The following LBP variants were observed in gnomAD, a reference collection of about 807,000 sequenced individuals.
LBP encodes the protein lipopolysaccharide-binding protein.
LBP carries 53 observed loss-of-function variants against 56.6 expected under a neutral mutation model. That is an observed-to-expected ratio of 0.94 (90% CI 0.75 to 1.18). The LOEUF (loss-of-function observed/expected upper bound fraction) is 1.18, where lower values mean the gene tolerates loss of function less well. Ranked by LOEUF, LBP falls within the 50% of genes most tolerant of loss-of-function variation. The pLI is 0.00. For synonymous variants in LBP, 227 were observed against 247.5 expected (o/e 0.92, Z 0.78); for missense variants, 601 against 598.3 (o/e 1.00, Z -0.05).
intron 8 of LBP, 68 bp downstream of exon 8, chr20:38,364,820 T>C: frequency 7.0e-7 from 1 of 1,419,762 alleles, no homozygotes; most frequent in Non-Finnish European, 9.7e-7. Flanking sequence ...TCTTTCCTTT[T>C]CACCCCTGTT....
intron 3 of LBP, among the ~76,000 whole-genome samples, chr20:38,352,546 G>C (rs2076824059): frequency 6.6e-6 from 1 of 152,352 alleles, no homozygotes; most frequent in Middle Eastern, 3.4e-3. Context: ...TTTGAGGTCA[G>C]GAGTTCAAGA....
chr20:38,367,696 C>G (rs1046728406), intron 9 of LBP, among the ~76,000 whole-genome samples: 9 of 152,162 alleles, frequency 5.9e-5, no homozygotes, highest in African/African-American at 2.2e-4. Context: ...CTCTGCCTAC[C>G]TTCTTAGTGA....
intron 3 of LBP, among the ~76,000 whole-genome samples, chr20:38,352,326 C>A (rs903139016): frequency 1.3e-5 from 2 of 152,168 alleles, no homozygotes; most frequent in African/African-American, 2.4e-5. Flanking sequence ...ATACTTCAGA[C>A]CTGCACTGCC....
At chr20:38,365,084 A>T (rs532895297) in intron 8 of LBP, among the ~76,000 whole-genome samples, 3 of 151,668 alleles carry the variant, frequency 2.0e-5, no homozygotes, top group East Asian at 2.0e-4. Flanking sequence ...AAAATACAAA[A>T]ATTAGCCAGG....
intron 12 of LBP, among the ~76,000 whole-genome samples, chr20:38,372,739 G>A (rs1301282095): frequency 6.6e-6 from 1 of 152,028 alleles, no homozygotes; most frequent in East Asian, 1.9e-4. Context: ...TGGTAGAGAA[G>A]CTTATTTTGT....
chr20:38,370,341 A>C (rs973988175), intron 10 of LBP, among the ~76,000 whole-genome samples: 4 of 152,064 alleles, frequency 2.6e-5, no homozygotes, highest in African/African-American at 9.7e-5. Context: ...GCACCACTGC[A>C]CTCCAGCTGG....
chr20:38,364,141 C>A (rs1600727566), intron 7 of LBP, 75 bp downstream of exon 7: 2 of 987,622 alleles, frequency 2.0e-6, no homozygotes, highest in Non-Finnish European at 3.2e-6. Flanking sequence ...CACCTGTCCC[C>A]CCAACTTCAG....
At position 38,355,370 on chromosome 20, in the gene LBP, C is replaced by G. The variant is rs771929353; in HGVS notation, c.549C>G (p.Asn183Lys). 4 of 1,613,804 alleles carry G rather than the reference C, an allele frequency of 2.5e-6. No homozygotes were observed. The South Asian group carries it at 3.3e-5, about 13-fold the overall frequency. Residue 183 changes from asparagine to lysine, a missense_variant, in exon 5 of 15, where the codon AAC (asparagine) becomes AAG (lysine). Asn to Lys is a moderately conservative substitution (Grantham distance 94). Coordinates refer to ENST00000217407, the MANE Select transcript of LBP (RefSeq NM_004139.5). ...GGTGGCTGTTGAACCTCTTCCACAACCAGATTGAGTCCAAGTTCCAGAAAG... is the reference window on the plus strand; with the variant it reads ...GGTGGCTGTTGAACCTCTTCCACAAGCAGATTGAGTCCAAGTTCCAGAAAG... Reference protein sequence around the residue: ...DLGWLLNLFHNQIESKFQKVL... With the variant: ...DLGWLLNLFHKQIESKFQKVL...
At chr20:38,351,992 C>G (rs749504667) in intron 3 of LBP, among the ~76,000 whole-genome samples, 2 of 150,658 alleles carry the variant, frequency 1.3e-5, no homozygotes, top group Non-Finnish European at 2.9e-5. Context: ...GAGCTGAGAT[C>G]ATGCCACTGT....
Position 38,363,904 on chromosome 20 carries a change from G to A in LBP, c.653-71G>A, listed in dbSNP as rs946319982. ...AGTCACAGGGAATGTGAGTCAGCCA[G>A]AGCCCTTGCCCCTCCTCCAGCAGCT... is the stretch of plus-strand genomic sequence containing the variant. On this transcript the variant is annotated intron_variant, in intron 6 of 14. Transcript: ENST00000217407. 5 of 1,102,270 alleles carry A rather than the reference G, an allele frequency of 4.5e-6. No individual in the cohort carries two copies. In the African/African-American group the frequency reaches 7.7e-5, roughly 17 times the overall value. The allele number at this position is 1,102,270 out of a possible 1,614,324, so 68.3% of individuals were successfully genotyped here.
Position 38,370,199 on chromosome 20 carries a change from C to T in LBP, c.1150-539C>T, listed in dbSNP as rs77871985. Among the ~76,000 whole-genome samples the T allele has an allele frequency of 1.4e-3, 220 of 152,128 alleles. 6 individuals are homozygous for T. In the East Asian group the frequency reaches 0.041, roughly 28 times the overall value. ...GAGCAGCCTGGGCAACACAGCAAGA[C>T]TCCATTGCTACAAAAAAGAAAAAAC... is the stretch of plus-strand genomic sequence containing the variant. On this transcript the variant is annotated intron_variant, in intron 10 of 14. Transcript: ENST00000217407.
At chr20:38,362,303 G>A (rs1210871136) in intron 6 of LBP, among the ~76,000 whole-genome samples, 37 of 145,666 alleles carry the variant, frequency 2.5e-4, no homozygotes, top group African/African-American at 8.3e-4. Flanking sequence ...CTCGTGATCC[G>A]CCCGCTCGGC....
chr20:38,352,420 A>C (rs772637421), intron 3 of LBP, among the ~76,000 whole-genome samples: 1 of 152,246 alleles, frequency 6.6e-6, no homozygotes, highest in Non-Finnish European at 1.5e-5. Context: ...AGTATGCAAC[A>C]CTGGATTTGA....
chr20:38,355,745 A>G (rs2122602011), intron 5 of LBP, among the ~76,000 whole-genome samples: 1 of 152,222 alleles, frequency 6.6e-6, no homozygotes, highest in South Asian at 2.1e-4. Context: ...AAAGGAAACC[A>G]TTCCTCAGGC....
chr20:38,355,316 T>G, intron 4 of LBP, 30 bp from the exon 5 acceptor site: 1 of 1,611,050 alleles, frequency 6.2e-7, no homozygotes. Context: ...CATCCCCAAG[T>G]TCAGTGGCAG....
chr20:38,353,574 G>A (rs550126402), intron 3 of LBP, among the ~76,000 whole-genome samples: 26 of 145,654 alleles, frequency 1.8e-4, no homozygotes, highest in Middle Eastern at 3.6e-3. Flanking sequence ...GAAGAGCTAC[G>A]GGATAAAGGC....
chr20:38,359,512 G>A (rs2076852236), intron 5 of LBP, among the ~76,000 whole-genome samples: 1 of 152,058 alleles, frequency 6.6e-6, no homozygotes, highest in Non-Finnish European at 1.5e-5. Context: ...AACCTGGGAG[G>A]CAGAAGTTGC....
intron 5 of LBP, among the ~76,000 whole-genome samples, chr20:38,355,957 A>C: frequency 6.6e-6 from 1 of 151,202 alleles, no homozygotes; most frequent in Non-Finnish European, 1.5e-5. Context: ...TCCTCTAAAC[A>C]CTCATTCATC....
At chr20:38,372,813 C>T (rs1007743527) in intron 12 of LBP, among the ~76,000 whole-genome samples, 8 of 151,988 alleles carry the variant, frequency 5.3e-5, no homozygotes, top group Admixed American at 2.0e-4. Flanking sequence ...TAAATAAAAC[C>T]GATACTAAAG....
Sources: gnomAD v4.1 joint callset for allele counts (sites outside exome capture counted in the v4.1 genomes callset) on GRCh38, gnomAD v4.1.1 for gene constraint, MANE v1.5 for transcripts, NCBI Gene and HGNC (gene_info 2026-07-23, HGNC 2026-07-21) for gene names.